Variants in RBFOX1 observed in about 807,000 individuals in gnomAD.
The protein encoded by RBFOX1 is RNA binding fox-1 homolog 1.
RBFOX1 carries 8 observed loss-of-function variants against 57.7 expected under a neutral mutation model. The observed-to-expected ratio is 0.14, with a 90% CI of 0.08 to 0.25. The LOEUF (loss-of-function observed/expected upper bound fraction) is 0.25. RBFOX1 is among the 10% of genes least tolerant of loss of function. RBFOX1 has a pLI of 1.00. For synonymous variants in RBFOX1, 326 were observed against 222.4 expected, an observed-to-expected ratio of 1.47 and a Z score of -4.15; for missense variants, 611 against 548.5, an observed-to-expected ratio of 1.11 and a Z score of -1.14.
rs554586494 is a variant in RBFOX1, at chr16:6,593,274, C to T, written c.-63-61329C>T. On this transcript the variant is annotated intron_variant, in intron 2 of 15. Transcript: ENST00000550418. ...TCTGCCCTACTGGATCTCATGTATT[C>T]CCTAAAATGTATTGCTCAATACAGG... Among the ~76,000 whole-genome samples, 5 of 152,266 alleles carry T rather than the reference C, an allele frequency of 3.3e-5. No individual in the cohort carries two copies. The East Asian group carries it at 9.7e-4, about 29-fold the overall frequency.
chr16:5,875,132 A>G (rs2057571831), intron 4 of RBFOX1, among the ~76,000 whole-genome samples: 1 of 152,260 alleles, frequency 6.6e-6, no homozygotes, highest in South Asian at 2.1e-4. Flanking sequence ...CAACAGCAGC[A>G]GCAGCGTTGA....
At chr16:5,508,521 G>T (rs947706613) in intron 2 of RBFOX1, among the ~76,000 whole-genome samples, 1 of 152,244 alleles carries the variant, frequency 6.6e-6, no homozygotes, top group Non-Finnish European at 1.5e-5. Flanking sequence ...CCGAGGTCGG[G>T]TGGGAGATTG....
In RBFOX1 at chr16:5,570,259, G is replaced by C. The variant is rs554711119; in HGVS notation, c.259-28643G>C. Reference sequence around the variant, plus strand: ...ACACATGATGGGTTTGTACTGGAAGGTATGGGTTCAAATCCTGTTTTTGTC... The same window carrying C: ...ACACATGATGGGTTTGTACTGGAAGCTATGGGTTCAAATCCTGTTTTTGTC... On this transcript the variant is annotated intron_variant, in intron 2 of 2. Transcript: ENST00000585867. 2.6e-5 allele frequency among the ~76,000 whole-genome samples: 4 copies of C among 152,182 alleles called. No individual in the cohort carries two copies. In the East Asian group the frequency reaches 5.8e-4, roughly 22 times the overall value.
intron 1 of RBFOX1, among the ~76,000 whole-genome samples, chr16:5,310,037 C>G (rs1164938700): frequency 6.6e-6 from 1 of 152,164 alleles, no homozygotes; most frequent in Non-Finnish European, 1.5e-5. Flanking sequence ...TGCACTTTTC[C>G]TATTTTTCTC....
chr16:6,514,502 T>C (rs995848643), intron 2 of RBFOX1, among the ~76,000 whole-genome samples: 1 of 152,224 alleles, frequency 6.6e-6, no homozygotes, highest in Non-Finnish European at 1.5e-5. Context: ...CAGCCATCCA[T>C]TCACAGTCTT....
intron 4 of RBFOX1, among the ~76,000 whole-genome samples, chr16:5,915,725 C>A (rs1026792084): frequency 1.3e-5 from 2 of 151,900 alleles, no homozygotes; most frequent in Non-Finnish European, 1.5e-5. Flanking sequence ...TCAGCTACTC[C>A]GGAGGCTGAG....
chr16:5,949,544 AAG>A (rs1222206646), intron 4 of RBFOX1, among the ~76,000 whole-genome samples: 609 of 37,938 alleles, frequency 0.016, 34 homozygotes, highest in African/African-American at 0.11. Flanking sequence ...AAAAAAAAAA[AAG>A]AAAAGAATAC....
chr16:5,927,300 A>G (rs1024610730), intron 4 of RBFOX1, among the ~76,000 whole-genome samples: 1 of 152,246 alleles, frequency 6.6e-6, no homozygotes, highest in African/African-American at 2.4e-5. Context: ...TGTGTGGCAA[A>G]CAGACTTTTT....
intron 1 of RBFOX1, among the ~76,000 whole-genome samples, chr16:6,125,031 C>CTGCTGAATG (rs1295712821): frequency 1.1e-4 from 16 of 152,102 alleles, no homozygotes; most frequent in Admixed American, 1.0e-3. Flanking sequence ...CCCCAAGGGG[C>CTGCTGAATG]TGCTGAATGA....
rs138410104 is a variant in RBFOX1, at chr16:5,512,371, C to A, written c.258+45117C>A. On this transcript the variant is annotated intron_variant, in intron 2 of 2. Coordinates refer to the RBFOX1 transcript ENST00000585867. ...ATCAATTTCCCTCCCTCCCTCCTTT[C>A]TTCTTTCCTTCCTTCCTCTCTTCTT... Among the ~76,000 whole-genome samples, 349 of 152,198 alleles carry A rather than the reference C, an allele frequency of 2.3e-3. 2 individuals are homozygous for A. Among genetic ancestry groups the A allele is most frequent in the African/African-American group, 7.8e-3 (324 of 41,542 alleles).
chr16:7,027,292 G>T (rs948258393), intron 3 of RBFOX1, among the ~76,000 whole-genome samples: 7 of 152,312 alleles, frequency 4.6e-5, no homozygotes, highest in African/African-American at 1.7e-4. Context: ...TTTAGGGTAA[G>T]TTAATTACAT....
chr16:5,553,358 C>T (rs560375802), intron 2 of RBFOX1, among the ~76,000 whole-genome samples: 9 of 151,348 alleles, frequency 5.9e-5, no homozygotes, highest in South Asian at 2.1e-4. Context: ...CTCTTTTACC[C>T]GGGCCAGAGT....
chr16:6,761,589 C>T (rs1295315282), intron 3 of RBFOX1, among the ~76,000 whole-genome samples: 2 of 130,712 alleles, frequency 1.5e-5, no homozygotes, highest in Non-Finnish European at 3.1e-5. Flanking sequence ...TTCACTGTAA[C>T]CTCTGCCTCC....
intron 3 of RBFOX1, among the ~76,000 whole-genome samples, chr16:5,624,776 G>C (rs1490440719): frequency 6.6e-6 from 1 of 152,238 alleles, no homozygotes; most frequent in African/African-American, 2.4e-5. Context: ...GGACCCTTCA[G>C]GAAGCTCATA....
intron 3 of RBFOX1, among the ~76,000 whole-genome samples, chr16:6,824,983 G>GTTTTTTGTTTTTTTTTTTT (rs2091915909): frequency 2.7e-5 from 1 of 36,878 alleles, no homozygotes; most frequent in Non-Finnish European, 5.9e-5. Context: ...TTCTTTCTTG[G>GTTTTTTGTTTTTTTTTTTT]TTTTTTTTTT....
intron 3 of RBFOX1, among the ~76,000 whole-genome samples, chr16:5,748,072 G>C (rs1597085988): frequency 6.6e-6 from 1 of 152,112 alleles, no homozygotes; most frequent in East Asian, 1.9e-4. Flanking sequence ...CTGGTATGTT[G>C]TGTCTTTGTT....
At chr16:7,014,245 C>G (rs965902495) in intron 3 of RBFOX1, among the ~76,000 whole-genome samples, 1 of 152,050 alleles carries the variant, frequency 6.6e-6, no homozygotes, top group African/African-American at 2.4e-5. Flanking sequence ...GAGTCTCGCT[C>G]TGTCGCCCAG....
intron 1 of RBFOX1, among the ~76,000 whole-genome samples, chr16:5,370,449 C>G (rs1277498781): frequency 7.4e-6 from 1 of 134,300 alleles, no homozygotes; most frequent in Non-Finnish European, 1.6e-5. Flanking sequence ...GTTCCCCGAT[C>G]CAGCCTCCTC....
chr16:5,700,255 CAGT>C (rs1288696920), intron 3 of RBFOX1, among the ~76,000 whole-genome samples: 1 of 151,624 alleles, frequency 6.6e-6, no homozygotes, highest in African/African-American at 2.4e-5. Flanking sequence ...TTATATGCCT[CAGT>C]ATTCATTATC....
Sources: allele counts gnomAD v4.1 joint callset (sites outside exome capture counted in the v4.1 genomes callset), GRCh38; gene constraint gnomAD v4.1.1; transcripts MANE v1.5; gene names NCBI Gene and HGNC (gene_info 2026-07-23, HGNC 2026-07-21).